FNDC3B: variants seen among roughly 807,000 people sequenced by gnomAD.
FNDC3B encodes the protein fibronectin type III domain containing 3B, also known as fibronectin type III domain-containing protein 3B.
FNDC3B carries 12 observed loss-of-function variants against 151.5 expected under a neutral mutation model. The ratio of observed to expected loss-of-function variants is 0.08; its 90% CI spans 0.05 to 0.13. The LOEUF is 0.13. FNDC3B is among the 10% of genes least tolerant of loss of function. The pLI, the probability that FNDC3B is intolerant of heterozygous loss-of-function variation, is 1.00. For synonymous variants in FNDC3B, 528 were observed against 549.0 expected (o/e 0.96, Z 0.54); for missense variants, 1,214 against 1,505.3 (o/e 0.81, Z 3.20).
intron 23 of FNDC3B, among the ~76,000 whole-genome samples, chr3:172,370,388 G>A (rs553878015): frequency 1.1e-3 from 160 of 152,238 alleles, no homozygotes; most frequent in Non-Finnish European, 1.4e-3. Context: ...AGTTGCACTT[G>A]AGTGCAAAAA....
At chr3:172,069,328 G>A (rs374678559) in intron 1 of FNDC3B, among the ~76,000 whole-genome samples, 18 of 152,128 alleles carry the variant, frequency 1.2e-4, no homozygotes, top group African/African-American at 4.1e-4. Flanking sequence ...GATGTTCTTA[G>A]GTATTCATTC....
chr3:172,380,105 T>G (rs1735361000), intron 24 of FNDC3B, among the ~76,000 whole-genome samples: 2 of 151,840 alleles, frequency 1.3e-5, no homozygotes, highest in Non-Finnish European at 2.9e-5. Flanking sequence ...ATTATTTTTC[T>G]GAAACAATAA....
intron 1 of FNDC3B, among the ~76,000 whole-genome samples, chr3:172,074,208 T>C (rs898470413): frequency 5.3e-5 from 8 of 152,250 alleles, no homozygotes; most frequent in South Asian, 2.1e-4. Flanking sequence ...CCTGTGGCCA[T>C]TGTGAGTGCC....
intron 25 of FNDC3B, among the ~76,000 whole-genome samples, chr3:172,388,353 A>C (rs895557301): frequency 2.0e-4 from 30 of 152,344 alleles, no homozygotes; most frequent in African/African-American, 5.8e-4. Context: ...TGGAATAAAC[A>C]TGTCAAGATT....
intron 22 of FNDC3B, 64 bp from the exon 23 acceptor site, chr3:172,362,569 T>G: frequency 8.3e-7 from 1 of 1,203,058 alleles, no homozygotes; most frequent in South Asian, 1.2e-5. Flanking sequence ...CAATGTTTAT[T>G]TCGAATGAAG....
intron 3 of FNDC3B, among the ~76,000 whole-genome samples, chr3:172,209,247 G>A (rs77552089): frequency 0.027 from 4,158 of 152,294 alleles, 96 homozygotes; most frequent in South Asian, 0.093. Context: ...TGGCTGCCTA[G>A]TGCTGGCAGA....
chr3:172,166,147 G>A (rs763947031), intron 3 of FNDC3B, among the ~76,000 whole-genome samples: 2 of 152,090 alleles, frequency 1.3e-5, no homozygotes, highest in African/African-American at 2.4e-5. Context: ...TTACATTGGT[G>A]AAAAAAGTCA....
chr3:172,154,204 GA>G lies in FNDC3B; in HGVS notation c.187+20659del, dbSNP rs545531723. On this transcript the variant is annotated intron_variant, in intron 3 of 25. Transcript: ENST00000415807. ...TGAGATGGGACTTTAATTGTAATCT[GA>G]TCGAGACCGTTAATGGTTTCTTTTT... Among the ~76,000 whole-genome samples the G allele has an allele frequency of 2.0e-5, 3 of 152,172 alleles. No homozygotes were observed. The East Asian group carries it at 5.8e-4, about 29-fold the overall frequency.
intron 3 of FNDC3B, among the ~76,000 whole-genome samples, chr3:172,173,766 G>A (rs531298827): frequency 4.3e-4 from 62 of 145,088 alleles, no homozygotes; most frequent in Admixed American, 1.3e-3. Flanking sequence ...GGCTGTTTGA[G>A]TTGTGATTGT....
chr3:172,113,364 T>C (rs556214412), intron 2 of FNDC3B, among the ~76,000 whole-genome samples: 22 of 152,182 alleles, frequency 1.4e-4, no homozygotes, highest in African/African-American at 5.3e-4. Flanking sequence ...ATAATTCAAA[T>C]AAGTTAATCA....
At chr3:172,087,924 G>T (rs1323887490) in intron 1 of FNDC3B, among the ~76,000 whole-genome samples, 1 of 152,182 alleles carries the variant, frequency 6.6e-6, no homozygotes, top group African/African-American at 2.4e-5. Context: ...TGCAAGAGAA[G>T]ATAGTCCACA....
chr3:172,121,871 A>G (rs1015207916), intron 2 of FNDC3B, among the ~76,000 whole-genome samples: 1 of 152,182 alleles, frequency 6.6e-6, no homozygotes, highest in African/African-American at 2.4e-5. Context: ...CCGGCCATAA[A>G]GCATTTCCAT....
chr3:172,218,187 T>G (rs1726095965), intron 3 of FNDC3B, among the ~76,000 whole-genome samples: 1 of 148,240 alleles, frequency 6.7e-6, no homozygotes, highest in African/African-American at 2.5e-5. Flanking sequence ...TAGAGCTGTC[T>G]GAGGACATCC....
chr3:172,343,975 C>A, intron 18 of FNDC3B, 111 bp from the exon 19 acceptor site: 1 of 923,386 alleles, frequency 1.1e-6, no homozygotes, highest in Non-Finnish European at 1.7e-6. Context: ...AAGGGAGATA[C>A]TGAGGCCGGC....
chr3:172,389,503 T>TA lies in FNDC3B; in HGVS notation c.3304-7656dup, dbSNP rs1735893899. Reference sequence around the variant, plus strand: ...CAAAGTTTTAATATTTGGATCACTTTAAAAACTATTAGAACGTATTAGAAA... The same window carrying TA: ...CAAAGTTTTAATATTTGGATCACTTTAAAAAACTATTAGAACGTATTAGAAA... On this transcript the variant is annotated intron_variant, in intron 25 of 25. Coordinates refer to ENST00000415807, the MANE Select transcript of FNDC3B (RefSeq NM_022763.4). 2.6e-5 allele frequency among the ~76,000 whole-genome samples: 4 copies of TA among 152,222 alleles called. No individual in the cohort carries two copies. In the South Asian group the frequency reaches 8.3e-4, roughly 32 times the overall value.
intron 1 of FNDC3B, among the ~76,000 whole-genome samples, chr3:172,050,423 A>T (rs1200381708): frequency 1.3e-5 from 2 of 151,086 alleles, no homozygotes; most frequent in East Asian, 3.9e-4. Flanking sequence ...TCACTCTGTC[A>T]CCCAGGCTGG....
chr3:172,109,197 G>T (rs1719833709), intron 1 of FNDC3B, among the ~76,000 whole-genome samples: 2 of 128,450 alleles, frequency 1.6e-5, no homozygotes, highest in Non-Finnish European at 3.1e-5. Context: ...ACGGAGTCTT[G>T]CTCTGTCACC....
chr3:172,247,917 A>G, intron 5 of FNDC3B, 141 bp downstream of exon 5: 1 of 893,456 alleles, frequency 1.1e-6, no homozygotes. Context: ...GGGAATTCCT[A>G]GCTTCCTTTG....
chr3:172,075,016 T>A (rs1242544121), intron 1 of FNDC3B, among the ~76,000 whole-genome samples: 1 of 152,238 alleles, frequency 6.6e-6, no homozygotes, highest in Non-Finnish European at 1.5e-5. Flanking sequence ...TTTGTACCTA[T>A]GTTGCCAAAA....
Sources: allele counts gnomAD v4.1 joint callset (sites outside exome capture counted in the v4.1 genomes callset), GRCh38; gene constraint gnomAD v4.1.1; transcripts MANE v1.5; gene names NCBI Gene and HGNC (gene_info 2026-07-23, HGNC 2026-07-21).